Variants in PMS1 observed in about 807,000 individuals in gnomAD.
PMS1 encodes the protein PMS1 protein homolog 1.
A neutral mutation model predicts 93.1 loss-of-function variants in PMS1; 79 were observed. The ratio of observed to expected loss-of-function variants is 0.85; its 90% CI spans 0.71 to 1.02. The LOEUF (loss-of-function observed/expected upper bound fraction) is 1.02. Ranked by LOEUF, PMS1 falls within the 50% of genes least tolerant of loss-of-function variation. The pLI is 0.00. For synonymous variants in PMS1, 335 were observed against 363.4 expected (o/e 0.92, Z 0.89); for missense variants, 1,064 against 1,085.3 (o/e 0.98, Z 0.28).
At chr2:189,861,041 A>G (rs1194236585) in intron 9 of PMS1, among the ~76,000 whole-genome samples, 1 of 151,644 alleles carries the variant, frequency 6.6e-6, no homozygotes, top group African/African-American at 2.4e-5. Context: ...GAATTGCAAT[A>G]TTTAGTCCAT....
intron 6 of PMS1, among the ~76,000 whole-genome samples, chr2:189,848,255 C>G (rs896225190): frequency 8.5e-5 from 13 of 152,134 alleles, no homozygotes; most frequent in African/African-American, 2.9e-4. Flanking sequence ...GATATTCTAG[C>G]TATCATAATT....
At chr2:189,872,778 A>G (rs2057264377) in intron 11 of PMS1, among the ~76,000 whole-genome samples, 1 of 152,020 alleles carries the variant, frequency 6.6e-6, no homozygotes, top group African/African-American at 2.4e-5. Context: ...GACTACAGGC[A>G]CGTACCACCA....
rs902280058 is a variant in PMS1, at chr2:189,869,906, AT to A, written c.2473+1986del. Among the ~76,000 whole-genome samples, 29 of 150,076 alleles carry A rather than the reference AT, an allele frequency of 1.9e-4. 1 individual carries two copies. Among genetic ancestry groups the A allele is most frequent in the South Asian group, 8.4e-4 (4 of 4,746 alleles). On this transcript the variant is annotated intron_variant, in intron 11 of 12. Coordinates refer to ENST00000441310, the MANE Select transcript of PMS1 (RefSeq NM_000534.5). ...TTACCTGCCACTCAATTCCAAGAGC[AT>A]TTTTTTTTAACTACCCAGTAAGTTT...
chr2:189,839,037 A>G (rs143975783), intron 5 of PMS1, among the ~76,000 whole-genome samples: 2,471 of 151,848 alleles, frequency 0.016, 61 homozygotes, highest in African/African-American at 0.054. Flanking sequence ...TGTTGCCCAC[A>G]TTGGAGTGCA....
Position 189,873,580 on chromosome 2 carries a change from TTCTTAATGC to T in PMS1, c.2560_2568del (p.Leu854_Ala856del). ...TATGGAGTAGCAGATTTAAAAGAAA[TTCTTAATGC>T]TATATTAAACAGAAATGCAAAGGAA... On this transcript the variant is annotated inframe_deletion, in exon 12 of 13. Coordinates refer to ENST00000441310, the MANE Select transcript of PMS1 (RefSeq NM_000534.5). 6.2e-7 allele frequency: 1 copy of T among 1,601,126 alleles called. No homozygotes were observed. The highest frequency in any genetic ancestry group is 8.6e-7 in the Non-Finnish European group (1 of 1,168,322).
chr2:189,850,079 C>T (rs1010517245), intron 6 of PMS1, among the ~76,000 whole-genome samples: 9 of 152,078 alleles, frequency 5.9e-5, no homozygotes, highest in Non-Finnish European at 7.4e-5. Context: ...GTTTTGCAGT[C>T]ATAACATCTT....
chr2:189,798,108 T>A (rs1161373120), intron 3 of PMS1, among the ~76,000 whole-genome samples: 2 of 152,202 alleles, frequency 1.3e-5, no homozygotes, highest in Non-Finnish European at 2.9e-5. Context: ...CTGTTGTTTA[T>A]CCTCATCGTC....
At chr2:189,839,724 C>T (rs969371134) in intron 5 of PMS1, among the ~76,000 whole-genome samples, 1 of 152,068 alleles carries the variant, frequency 6.6e-6, no homozygotes, top group African/African-American at 2.4e-5. Context: ...TAAGATTTTG[C>T]TTTCTTTTTA....
At position 189,791,834 on chromosome 2, in the gene PMS1, G is replaced by A; in HGVS notation, c.25G>A (p.Val9Ile). The change falls in exon 2 of 13, where the codon GTT (valine) becomes ATT (isoleucine). Residue 9 changes from valine (V) to isoleucine (I), a missense_variant. Coordinates refer to ENST00000441310, the MANE Select transcript of PMS1 (RefSeq NM_000534.5). Reference sequence around the variant, plus strand: ...AATGAAACAATTGCCTGCGGCAACAGTTCGACTCCTTTCAAGTTCTCAGAT... The same window carrying A: ...AATGAAACAATTGCCTGCGGCAACAATTCGACTCCTTTCAAGTTCTCAGAT... Reference protein sequence around the residue: MKQLPAATVRLLSSSQIIT... With the variant: MKQLPAATIRLLSSSQIIT... 1 of 1,614,010 alleles carries A rather than the reference G, an allele frequency of 6.2e-7. No homozygotes were observed.
At chr2:189,802,361 T>C (rs551686528) in intron 3 of PMS1, among the ~76,000 whole-genome samples, 1 of 152,250 alleles carries the variant, frequency 6.6e-6, no homozygotes, top group African/African-American at 2.4e-5. Context: ...GAAAAGAATG[T>C]TATTAAGAAA....
Position 189,819,616 on chromosome 2 carries a change from T to G in PMS1, c.582+1436T>G, listed in dbSNP as rs560811498. Among the ~76,000 whole-genome samples the G allele has an allele frequency of 9.2e-5, 14 of 152,346 alleles. No individual in the cohort carries two copies. The South Asian group carries it at 1.0e-3, about 11-fold the overall frequency. On this transcript the variant is annotated intron_variant, in intron 5 of 12. Transcript: ENST00000441310. ...ATATCTCATTGTGGTTTAATTTGCA[T>G]TTTTCTAGTGATTAGTAATGTTGAG...
chr2:189,809,115 G>A (rs888544632), intron 4 of PMS1, among the ~76,000 whole-genome samples: 2 of 152,190 alleles, frequency 1.3e-5, no homozygotes, highest in Non-Finnish European at 2.9e-5. Context: ...CCTACGGTGT[G>A]TGATTGTGCG....
At chr2:189,804,763 A>G (rs2106272599) in intron 3 of PMS1, among the ~76,000 whole-genome samples, 1 of 152,288 alleles carries the variant, frequency 6.6e-6, no homozygotes, top group Admixed American at 6.5e-5. Flanking sequence ...ACTTTAGAAT[A>G]TTCAGCTCTT....
At position 189,805,672 on chromosome 2, in the gene PMS1, G is replaced by A. The variant is rs543376612; in HGVS notation, c.336G>A (p.Thr112=). Residue 112 remains threonine, a synonymous_variant, in exon 4 of 13, where the codon ACG becomes ACA. Coordinates refer to ENST00000441310, the MANE Select transcript of PMS1 (RefSeq NM_000534.5). ...CIAEVLITTR[T]AADNFSTQYV... ...CCCAGGTTTTAATTACAACAAGAAC[G>A]GCTGCTGATAATTTTAGCACCCAGT... is the stretch of plus-strand genomic sequence containing the variant. 12 of 1,613,564 alleles carry A rather than the reference G, an allele frequency of 7.4e-6. No homozygotes were observed. In the South Asian group the frequency reaches 9.9e-5, roughly 13 times the overall value.
chr2:189,857,351 AGG>A (rs1445091395), intron 9 of PMS1: 13 of 339,712 alleles, frequency 3.8e-5, no homozygotes, highest in Non-Finnish European at 7.4e-5. Flanking sequence ...TTTCAGAGCC[AGG>A]GTTCCTGGGA....
chr2:189,841,794 C>T (rs374786115), intron 5 of PMS1, among the ~76,000 whole-genome samples: 1 of 204 alleles, frequency 4.9e-3, no homozygotes, highest in Middle Eastern at 0.5. Flanking sequence ...TTAAACAATG[C>T]AACTTCACAC....
chr2:189,871,756 T>A (rs1055093105), intron 11 of PMS1, among the ~76,000 whole-genome samples: 5 of 152,196 alleles, frequency 3.3e-5, no homozygotes, highest in African/African-American at 1.2e-4. Flanking sequence ...TGTGTTAGTT[T>A]GTTTGTGTTG....
intron 3 of PMS1, among the ~76,000 whole-genome samples, chr2:189,801,244 A>G (rs1483214749): frequency 1.3e-5 from 2 of 152,232 alleles, no homozygotes; most frequent in Non-Finnish European, 2.9e-5. Context: ...TATATCAGCA[A>G]CTGACACAAA....
intron 4 of PMS1, chr2:189,806,088 A>C: frequency 2.0e-6 from 1 of 509,928 alleles, no homozygotes; most frequent in Non-Finnish European, 3.3e-6. Flanking sequence ...GAAACATATA[A>C]AACATAATTG....
Sources: allele counts gnomAD v4.1 joint callset (sites outside exome capture counted in the v4.1 genomes callset), GRCh38; gene constraint gnomAD v4.1.1; transcripts MANE v1.5; gene names NCBI Gene and HGNC (gene_info 2026-07-23, HGNC 2026-07-21).